The following PDHX variants were observed in gnomAD, a reference collection of about 807,000 sequenced individuals.
The protein encoded by PDHX is pyruvate dehydrogenase complex component X, also known as pyruvate dehydrogenase protein X component, mitochondrial.
Under a neutral mutation model 55.3 loss-of-function variants are expected in PDHX, and 33 were observed. That is an observed-to-expected ratio of 0.60 (90% CI 0.45 to 0.80). PDHX has a LOEUF of 0.80. PDHX is among the 30% of genes least tolerant of loss of function. The probability of loss-of-function intolerance (pLI) is 0.00; values close to 1 mark genes in which losing one functional copy is unlikely to be tolerated. For missense variants in PDHX, 622 were observed against 619.9 expected (o/e 1.00, Z -0.04); for synonymous variants, 226 against 219.4 (o/e 1.03, Z -0.27).
In PDHX at chr11:34,995,362, T is replaced by A. The variant is rs921810981; in HGVS notation, c.*190T>A. On this transcript the variant is annotated 3_prime_UTR_variant, in exon 11 of 11. Coordinates refer to ENST00000227868, the MANE Select transcript of PDHX (RefSeq NM_003477.3). ...GGTTTAATGTTATAGAAATAAATGATGATAAACTCTAACTAATAAAGGAAA... is the reference window on the plus strand; with the variant it reads ...GGTTTAATGTTATAGAAATAAATGAAGATAAACTCTAACTAATAAAGGAAA... 1.0e-5 allele frequency: 6 copies of A among 585,610 alleles called. No homozygotes were observed. In the Admixed American group the frequency reaches 1.1e-4, roughly 11 times the overall value. The allele number at this position is 585,610 out of a possible 1,614,324, so 36.3% of individuals were successfully genotyped here.
intron 6 of PDHX, among the ~76,000 whole-genome samples, chr11:34,969,122 A>G (rs1855198069): frequency 6.6e-6 from 1 of 152,170 alleles, no homozygotes; most frequent in Non-Finnish European, 1.5e-5. Flanking sequence ...ATTTTGCCCA[A>G]CTATAGGCTA....
chr11:34,976,788 C>G (rs1367187952), intron 7 of PDHX, among the ~76,000 whole-genome samples: 3 of 152,030 alleles, frequency 2.0e-5, no homozygotes, highest in Non-Finnish European at 4.4e-5. Context: ...GGACTGTGGA[C>G]TTAGGTGGTA....
At chr11:34,935,177 T>C (rs1590734912) in intron 2 of PDHX, among the ~76,000 whole-genome samples, 1 of 151,762 alleles carries the variant, frequency 6.6e-6, no homozygotes, top group Non-Finnish European at 1.5e-5. Context: ...TATATATAAA[T>C]TTTTTTAATA....
At position 34,991,248 on chromosome 11, in the gene PDHX, A is replaced by G. The variant is rs866795184; in HGVS notation, c.1183-1067A>G. ...TAAATTGGACTAGCTCATTCAGGAAATGATTTAGCTATAGGATCAAGAACC... is the reference window on the plus strand; with the variant it reads ...TAAATTGGACTAGCTCATTCAGGAAGTGATTTAGCTATAGGATCAAGAACC... On this transcript the variant is annotated intron_variant, in intron 9 of 10. Coordinates refer to ENST00000227868, the MANE Select transcript of PDHX (RefSeq NM_003477.3). Among the ~76,000 whole-genome samples the G allele has an allele frequency of 8.5e-5, 13 of 152,336 alleles. No homozygotes were observed. In the South Asian group the frequency reaches 1.4e-3, roughly 17 times the overall value.
At chr11:34,951,158 G>A (rs1042071964) in intron 3 of PDHX, among the ~76,000 whole-genome samples, 2 of 145,116 alleles carry the variant, frequency 1.4e-5, no homozygotes, top group Non-Finnish European at 3.0e-5. Flanking sequence ...CCGGGTTCAC[G>A]CCATTCTCCT....
chr11:34,987,234 G>C (rs970734372), intron 9 of PDHX, among the ~76,000 whole-genome samples: 7 of 152,102 alleles, frequency 4.6e-5, no homozygotes, highest in African/African-American at 1.7e-4. Flanking sequence ...TACCAGAAAG[G>C]AGGGTTTGGT....
chr11:34,939,676 A>G (rs1590738069), intron 2 of PDHX, among the ~76,000 whole-genome samples: 1 of 152,218 alleles, frequency 6.6e-6, no homozygotes, highest in East Asian at 1.9e-4. Context: ...TTATAATTCT[A>G]TGATAACTCA....
At chr11:34,949,436 C>G (rs1854702068) in intron 3 of PDHX, among the ~76,000 whole-genome samples, 1 of 148,900 alleles carries the variant, frequency 6.7e-6, no homozygotes, top group South Asian at 2.1e-4. Context: ...ACGGGTTTCT[C>G]CAATTTGGTC....
At chr11:34,955,656 A>G (rs1477693767) in intron 3 of PDHX, among the ~76,000 whole-genome samples, 1 of 152,162 alleles carries the variant, frequency 6.6e-6, no homozygotes, top group Non-Finnish European at 1.5e-5. Flanking sequence ...TTTATTGCCT[A>G]CTTGTGAAGG....
Position 34,984,796 on chromosome 11 carries a change from A to C in PDHX, c.1182+68A>C, listed in dbSNP as rs911144912. 20 of 1,465,700 alleles carry C rather than the reference A, an allele frequency of 1.4e-5. No individual in the cohort carries two copies. In the African/African-American group the frequency reaches 2.5e-4, roughly 18 times the overall value. The allele number at this position is 1,465,700 out of a possible 1,614,324, so 90.8% of individuals were successfully genotyped here. On this transcript the variant is annotated intron_variant, in intron 9 of 10. Coordinates refer to ENST00000227868, the MANE Select transcript of PDHX (RefSeq NM_003477.3). ...ACTTTTGGATAATTACTTTCTGATA[A>C]AGTTGTGACGTAATCTAGTCAGACT...
chr11:34,992,163 CTTATAA>C, intron 9 of PDHX, 146 bp from the exon 10 acceptor site: 1 of 579,714 alleles, frequency 1.7e-6, no homozygotes, highest in Non-Finnish European at 3.1e-6. Context: ...CTTGTTTGTT[CTTATAA>C]TTAGAGAAAA....
intron 9 of PDHX, among the ~76,000 whole-genome samples, chr11:34,991,171 G>C (rs748019885): frequency 6.6e-6 from 1 of 152,166 alleles, no homozygotes; most frequent in Non-Finnish European, 1.5e-5. Flanking sequence ...AGAAATCGCT[G>C]TGGTCAAGAG....
intron 10 of PDHX, among the ~76,000 whole-genome samples, chr11:34,993,847 A>G (rs988702603): frequency 1.3e-5 from 2 of 152,140 alleles, no homozygotes; most frequent in African/African-American, 4.8e-5. Context: ...ACATCCTTAC[A>G]GTATTGAGTA....
chr11:34,991,923 A>AAAAAACT, intron 9 of PDHX, among the ~76,000 whole-genome samples: 1 of 151,160 alleles, frequency 6.6e-6, no homozygotes, highest in Non-Finnish European at 1.5e-5. Flanking sequence ...AAAAAAAAAA[A>AAAAAACT]AAAAACTAAA....
At chr11:34,973,733 T>A (rs1233199217) in intron 7 of PDHX, among the ~76,000 whole-genome samples, 3 of 152,220 alleles carry the variant, frequency 2.0e-5, no homozygotes, top group Non-Finnish European at 4.4e-5. Context: ...GTTTTACTTC[T>A]ATATATGATG....
chr11:34,917,199 G>A (rs1410091399), intron 1 of PDHX, among the ~76,000 whole-genome samples: 3 of 152,168 alleles, frequency 2.0e-5, no homozygotes, highest in Non-Finnish European at 4.4e-5. Flanking sequence ...TGCCGAGATT[G>A]AAAAGCCACT....
intron 1 of PDHX, among the ~76,000 whole-genome samples, chr11:34,926,715 A>G (rs1854031480): frequency 6.6e-6 from 1 of 151,986 alleles, no homozygotes; most frequent in Admixed American, 6.5e-5. Flanking sequence ...TGAATCAATC[A>G]TCAATTTAAA....
At chr11:34,941,893 G>T in intron 2 of PDHX, 1 of 154,318 alleles carries the variant, frequency 6.5e-6, no homozygotes, top group South Asian at 2.0e-4. Flanking sequence ...GGCCCCTCCT[G>T]GGGCCCGCAC....
intron 8 of PDHX, among the ~76,000 whole-genome samples, chr11:34,980,942 AG>A (rs1240427057): frequency 6.6e-6 from 1 of 152,186 alleles, no homozygotes; most frequent in East Asian, 1.9e-4. Context: ...CCTGTGATAC[AG>A]GGCAAGATTA....
Sources: allele counts gnomAD v4.1 joint callset (sites outside exome capture counted in the v4.1 genomes callset), GRCh38; gene constraint gnomAD v4.1.1; transcripts MANE v1.5; gene names NCBI Gene and HGNC (gene_info 2026-07-23, HGNC 2026-07-21).